Variants in CHST9 observed in about 807,000 individuals in gnomAD.
CHST9 encodes the protein carbohydrate sulfotransferase 9, also known as GalNAc-4-sulfotransferase 2.
CHST9 carries 41 observed loss-of-function variants against 44.4 expected under a neutral mutation model. The observed-to-expected ratio is 0.92, with a 90% CI of 0.72 to 1.20. The LOEUF (loss-of-function observed/expected upper bound fraction) is 1.20, where lower values mean the gene tolerates loss of function less well. Ranked by LOEUF, CHST9 falls within the 50% of genes most tolerant of loss-of-function variation. CHST9 has a pLI of 0.00. For missense variants in CHST9, 504 were observed against 516.5 expected, an observed-to-expected ratio of 0.98 and a Z score of 0.23; for synonymous variants, 171 against 178.4, an observed-to-expected ratio of 0.96 and a Z score of 0.33.
intron 4 of CHST9, among the ~76,000 whole-genome samples, chr18:27,018,482 A>G (rs761323606): frequency 6.6e-6 from 1 of 152,180 alleles, no homozygotes; most frequent in Non-Finnish European, 1.5e-5. Flanking sequence ...GTTTATTTTT[A>G]TACATGTGAG....
Position 26,934,714 on chromosome 18 carries a change from T to G in CHST9, c.240+9615A>C, listed in dbSNP as rs542926017. The G allele has an allele frequency of 5.9e-5, 9 of 152,298 alleles. No homozygotes were observed. In the East Asian group the frequency reaches 1.2e-3, roughly 20 times the overall value. The allele number at this position is 152,298 out of a possible 1,614,324, so 9.4% of individuals were successfully genotyped here. ...TTTCAGGAAAAATTTCATACCAATT[T>G]CCTGAGGTAATTTCTGAACTCGAAC... On this transcript the variant is annotated intron_variant, in intron 5 of 5. Transcript: ENST00000618847.
intron 2 of CHST9, among the ~76,000 whole-genome samples, chr18:27,106,608 A>C (rs2058223382): frequency 6.6e-6 from 1 of 152,208 alleles, no homozygotes; most frequent in Admixed American, 6.5e-5. Context: ...ATGTTGAAAT[A>C]AGAATTTATT....
chr18:27,001,262 A>T (rs2056949788), intron 4 of CHST9, among the ~76,000 whole-genome samples: 1 of 152,220 alleles, frequency 6.6e-6, no homozygotes, highest in Non-Finnish European at 1.5e-5. Context: ...TGACTCTAGG[A>T]CTGGACATTA....
At chr18:27,154,092 A>G (rs2058680315) in intron 1 of CHST9, among the ~76,000 whole-genome samples, 1 of 152,158 alleles carries the variant, frequency 6.6e-6, no homozygotes. Flanking sequence ...GCAAGCCAAT[A>G]CATTTTTATT....
chr18:26,987,909 C>T (rs941071460), intron 4 of CHST9, among the ~76,000 whole-genome samples: 4 of 152,134 alleles, frequency 2.6e-5, no homozygotes, highest in Non-Finnish European at 4.4e-5. Flanking sequence ...TACTGGATTT[C>T]CCAGCCTCTA....
chr18:26,952,140 A>T, intron 4 of CHST9: 1 of 492,342 alleles, frequency 2.0e-6, no homozygotes, highest in Non-Finnish European at 4.0e-6. Context: ...GTTTCTTCAA[A>T]TATCAGAAGC....
intron 2 of CHST9, among the ~76,000 whole-genome samples, chr18:27,101,241 A>C (rs1161084733): frequency 6.6e-6 from 1 of 152,246 alleles, no homozygotes; most frequent in African/African-American, 2.4e-5. Flanking sequence ...ACATATGCAC[A>C]GAGGTAAAAA....
chr18:27,087,753 T>C (rs539891741), intron 2 of CHST9, among the ~76,000 whole-genome samples: 1 of 152,214 alleles, frequency 6.6e-6, no homozygotes, highest in East Asian at 1.9e-4. Flanking sequence ...GATGACCTTA[T>C]TAGTGGGCTA....
intron 2 of CHST9, among the ~76,000 whole-genome samples, chr18:27,059,107 A>C (rs537957973): frequency 5.3e-5 from 8 of 152,304 alleles, no homozygotes; most frequent in Admixed American, 1.3e-4. Flanking sequence ...TGTTATTAGG[A>C]GTGCAGTTAA....
At chr18:26,941,531 T>C (rs1199112107) in intron 5 of CHST9, among the ~76,000 whole-genome samples, 1 of 152,070 alleles carries the variant, frequency 6.6e-6, no homozygotes, top group Non-Finnish European at 1.5e-5. Flanking sequence ...ATCTTTCATC[T>C]AGTATCATAA....
intron 1 of CHST9, among the ~76,000 whole-genome samples, chr18:27,154,623 A>G (rs535853519): frequency 6.6e-6 from 1 of 152,290 alleles, no homozygotes; most frequent in African/African-American, 2.4e-5. Context: ...ATACTAGATT[A>G]TAGTCCAATA....
At chr18:27,112,597 G>GTGTGTGTGTGTGTGTGTT (rs2058281844) in intron 2 of CHST9, among the ~76,000 whole-genome samples, 4 of 150,508 alleles carry the variant, frequency 2.7e-5, no homozygotes, top group African/African-American at 7.3e-5. Context: ...GTGTGTGTGT[G>GTGTGTGTGTGTGTGTGTT]TGTGTGTGTG....
intron 1 of CHST9, among the ~76,000 whole-genome samples, chr18:27,145,034 G>T (rs1338218142): frequency 6.6e-6 from 1 of 151,896 alleles, no homozygotes; most frequent in Non-Finnish European, 1.5e-5. Flanking sequence ...GAGCTTCAAA[G>T]ATAATGTAAG....
chr18:26,929,677 G>T (rs560763208), intron 5 of CHST9, among the ~76,000 whole-genome samples: 2 of 152,248 alleles, frequency 1.3e-5, no homozygotes, highest in East Asian at 3.9e-4. Context: ...AGAGTAACTA[G>T]CTAAATCAAT....
At chr18:27,096,077 C>A (rs1401107699) in intron 2 of CHST9, among the ~76,000 whole-genome samples, 4 of 152,050 alleles carry the variant, frequency 2.6e-5, no homozygotes, top group African/African-American at 4.8e-5. Context: ...GAAATCATAC[C>A]AGTCATACTC....
intron 2 of CHST9, among the ~76,000 whole-genome samples, chr18:27,100,657 ATAAGT>A (rs1208862798): frequency 6.6e-6 from 1 of 152,234 alleles, no homozygotes; most frequent in Non-Finnish European, 1.5e-5. Flanking sequence ...TAAATAAAAA[ATAAGT>A]TAATGTACAA....
intron 4 of CHST9, among the ~76,000 whole-genome samples, chr18:26,957,904 T>C (rs1381416940): frequency 1.3e-5 from 2 of 151,982 alleles, no homozygotes; most frequent in Admixed American, 1.3e-4. Context: ...TTTTCTTTTT[T>C]TAGATGGGGT....
chr18:26,957,126 T>C (rs2056335907), intron 4 of CHST9, among the ~76,000 whole-genome samples: 1 of 152,174 alleles, frequency 6.6e-6, no homozygotes, highest in African/African-American at 2.4e-5. Flanking sequence ...TGCAAATTGC[T>C]GTATCAATCA....
chr18:26,981,865 C>T (rs2056695793), intron 4 of CHST9, among the ~76,000 whole-genome samples: 1 of 152,172 alleles, frequency 6.6e-6, no homozygotes, highest in Non-Finnish European at 1.5e-5. Flanking sequence ...CATTTTCCTC[C>T]ATGCCGTCAT....
Sources: gnomAD v4.1 joint callset for allele counts (sites outside exome capture counted in the v4.1 genomes callset) on GRCh38, gnomAD v4.1.1 for gene constraint, MANE v1.5 for transcripts, NCBI Gene and HGNC (gene_info 2026-07-23, HGNC 2026-07-21) for gene names.